PCDH11X: variants seen among roughly 807,000 people sequenced by gnomAD.
PCDH11X encodes the protein protocadherin-11 X-linked.
PCDH11X carries 18 observed loss-of-function variants against 53.3 expected under a neutral mutation model. That is an observed-to-expected ratio of 0.34 (90% CI 0.23 to 0.50). The LOEUF (loss-of-function observed/expected upper bound fraction) is 0.50, where lower values mean the gene tolerates loss of function less well. Among genes scored for constraint, PCDH11X ranks in the 20% least tolerant of loss-of-function variants. The pLI, the probability that PCDH11X is intolerant of heterozygous loss-of-function variation, is 0.98. For missense variants in PCDH11X, 570 were observed against 1,032.4 expected (o/e 0.55, Z 6.14); for synonymous variants, 279 against 393.3 (o/e 0.71, Z 3.44).
chrX:92,336,637 G>A lies in PCDH11X; in HGVS notation c.3145-51098G>A, dbSNP rs78899123. The stretch of plus-strand genomic sequence containing the variant: ...ATTGATTTTTGCCACATATGCTGTA[G>A]TGGAAACTGTATGCTGCACAGTTAC... On this transcript the variant is annotated intron_variant, in intron 8 of 10. Coordinates refer to ENST00000682573, the MANE Select transcript of PCDH11X (RefSeq NM_032968.5). Among the ~76,000 whole-genome samples the A allele has an allele frequency of 2.9e-3, 318 of 111,437 alleles. 6 individuals are homozygous for A. The East Asian group carries it at 0.055, about 19-fold the overall frequency.
chrX:92,336,488 A>G (rs2069621675), intron 8 of PCDH11X, among the ~76,000 whole-genome samples: 1 of 112,114 alleles, frequency 8.9e-6, no homozygotes, highest in Admixed American at 9.5e-5. Flanking sequence ...GATCATTCAC[A>G]TTATTTCAGC....
At chrX:92,356,014 T>G (rs186402388) in intron 8 of PCDH11X, among the ~76,000 whole-genome samples, 1 of 111,882 alleles carries the variant, frequency 8.9e-6, no homozygotes, top group Non-Finnish European at 1.9e-5. Context: ...CGTGTATATA[T>G]AGAGTGAATA....
intron 10 of PCDH11X, among the ~76,000 whole-genome samples, chrX:92,518,030 T>C (rs992311963): frequency 7.4e-5 from 8 of 107,616 alleles, no homozygotes; most frequent in Non-Finnish European, 1.6e-4. Context: ...TCTAAGATGA[T>C]AGATTAATCT....
chrX:91,786,383 A>G lies in PCDH11X; in HGVS notation c.-379+6699A>G, dbSNP rs1040171590. 1.1e-4 allele frequency among the ~76,000 whole-genome samples: 12 copies of G among 106,919 alleles called. No homozygotes were observed. The Middle Eastern group carries it at 0.014, about 129-fold the overall frequency. 92.8% of individuals were successfully genotyped at this position (106,919 alleles called of 115,157 possible). On this transcript the variant is annotated intron_variant, in intron 1 of 10. Coordinates refer to ENST00000682573, the MANE Select transcript of PCDH11X (RefSeq NM_032968.5). ...TCTCTGTTCAATAAAAACTGTTTTAATAATCTAATATAACTTTTAGCATGA... is the reference window on the plus strand; with the variant it reads ...TCTCTGTTCAATAAAAACTGTTTTAGTAATCTAATATAACTTTTAGCATGA...
intron 10 of PCDH11X, among the ~76,000 whole-genome samples, chrX:92,597,198 A>G (rs1384367265): frequency 9.0e-6 from 1 of 111,438 alleles, no homozygotes; most frequent in African/African-American, 3.3e-5. Flanking sequence ...GACAAGAGAA[A>G]TACATAAAGT....
chrX:91,868,442 T>A (rs966783179), intron 5 of PCDH11X, among the ~76,000 whole-genome samples: 3 of 111,492 alleles, frequency 2.7e-5, no homozygotes, highest in African/African-American at 9.8e-5. Context: ...GAAAAGGAGA[T>A]TTCTGGACTT....
chrX:92,166,696 G>C (rs1037328476), intron 6 of PCDH11X, among the ~76,000 whole-genome samples: 5 of 109,646 alleles, frequency 4.6e-5, no homozygotes, highest in African/African-American at 1.3e-4. Flanking sequence ...CCAGTAGTTG[G>C]AGACCAGCCC....
intron 10 of PCDH11X, among the ~76,000 whole-genome samples, chrX:92,512,953 T>C (rs1454303929): frequency 9.0e-6 from 1 of 111,044 alleles, no homozygotes; most frequent in Non-Finnish European, 1.9e-5. Context: ...AAATGAGAGA[T>C]GATGTATCCA....
intron 5 of PCDH11X, among the ~76,000 whole-genome samples, chrX:91,854,208 G>C (rs2147667352): frequency 9.0e-6 from 1 of 111,487 alleles, no homozygotes; most frequent in African/African-American, 3.3e-5. Flanking sequence ...GTCTTCATGA[G>C]TTCAATTGCT....
At chrX:92,400,281 T>C (rs758047215) in intron 9 of PCDH11X, among the ~76,000 whole-genome samples, 3 of 111,584 alleles carry the variant, frequency 2.7e-5, no homozygotes, top group East Asian at 5.7e-4. Flanking sequence ...GGTGAAGTCA[T>C]TGTGATTCCT....
chrX:92,065,026 A>T (rs1286908186), intron 6 of PCDH11X, among the ~76,000 whole-genome samples: 1 of 104,319 alleles, frequency 9.6e-6, no homozygotes, highest in East Asian at 3.1e-4. Flanking sequence ...AGAAGCTTAC[A>T]GGTGGTCTCT....
chrX:92,385,472 T>G (rs1910080236), intron 8 of PCDH11X, among the ~76,000 whole-genome samples: 1 of 103,729 alleles, frequency 9.6e-6, no homozygotes, highest in African/African-American at 3.5e-5. Context: ...TACAGTGTGG[T>G]TTAATCAGAT....
At chrX:92,412,142 A>G (rs866931514) in intron 9 of PCDH11X, among the ~76,000 whole-genome samples, 71 of 77,073 alleles carry the variant, frequency 9.2e-4, no homozygotes, top group African/African-American at 4.3e-3. Context: ...CAGCAGCAGC[A>G]GAGGAGGAGG....
intron 6 of PCDH11X, among the ~76,000 whole-genome samples, chrX:91,900,865 T>C (rs1042871885): frequency 1.6e-4 from 18 of 111,598 alleles, no homozygotes; most frequent in South Asian, 7.5e-4. Flanking sequence ...GTATGGCACT[T>C]AATTAAGGAA....
At chrX:92,448,340 G>C (rs930543540) in intron 9 of PCDH11X, among the ~76,000 whole-genome samples, 1 of 98,194 alleles carries the variant, frequency 1.0e-5, no homozygotes, top group Non-Finnish European at 2.0e-5. Flanking sequence ...CATATGTTGT[G>C]GGGGGAACCC....
In PCDH11X at chrX:92,479,722, G is replaced by T. The variant is rs2073461693; in HGVS notation, c.3367+11400G>T. On this transcript the variant is annotated intron_variant, in intron 10 of 10. Transcript: ENST00000682573. ...TTGTGAGGTTTCTGCTGAGAGGTCT[G>T]CTGTTTGTATGATGGGGTTCTCTTT... 2.8e-5 allele frequency among the ~76,000 whole-genome samples: 3 copies of T among 107,018 alleles called. No homozygotes were observed. The Admixed American group carries it at 3.0e-4, about 11-fold the overall frequency. The allele number at this position is 107,018 out of a possible 115,157, so 92.9% of individuals were successfully genotyped here.
intron 10 of PCDH11X, among the ~76,000 whole-genome samples, chrX:92,575,121 C>T (rs918342407): frequency 9.9e-5 from 11 of 110,566 alleles, no homozygotes; most frequent in Non-Finnish European, 1.9e-4. Flanking sequence ...TGAAATCAAT[C>T]ATACTATACA....
chrX:91,923,614 T>G (rs1299678581), intron 6 of PCDH11X, among the ~76,000 whole-genome samples: 4 of 104,942 alleles, frequency 3.8e-5, no homozygotes, highest in African/African-American at 1.4e-4. Flanking sequence ...GAACTCGGAC[T>G]GGCTTCCTTG....
At chrX:92,607,533 A>G (rs1251538350) in intron 10 of PCDH11X, among the ~76,000 whole-genome samples, 2 of 111,711 alleles carry the variant, frequency 1.8e-5, no homozygotes, top group Non-Finnish European at 3.8e-5. Flanking sequence ...ATGTCCCAGA[A>G]TTGAGATGGT....
Sources: allele counts gnomAD v4.1 joint callset (sites outside exome capture counted in the v4.1 genomes callset), GRCh38; gene constraint gnomAD v4.1.1; transcripts MANE v1.5; gene names NCBI Gene and HGNC (gene_info 2026-07-23, HGNC 2026-07-21).